The following CAMTA1 variants were observed in gnomAD, a reference collection of about 807,000 sequenced individuals.
The protein encoded by CAMTA1 is calmodulin binding transcription activator 1, also known as calmodulin-binding transcription activator 1.
CAMTA1 carries 27 observed loss-of-function variants against 170.9 expected under a neutral mutation model. The observed-to-expected ratio is 0.16, with a 90% CI of 0.12 to 0.22. The LOEUF (loss-of-function observed/expected upper bound fraction) is 0.22. Ranked by LOEUF, CAMTA1 falls within the 10% of genes least tolerant of loss-of-function variation. CAMTA1 has a pLI of 1.00. For missense variants in CAMTA1, 1,619 were observed against 2,217.2 expected, an observed-to-expected ratio of 0.73 and a Z score of 5.42; for synonymous variants, 833 against 891.5, an observed-to-expected ratio of 0.93 and a Z score of 1.17.
chr1:6,907,945 C>T (rs1034173144), intron 3 of CAMTA1, among the ~76,000 whole-genome samples: 7 of 152,176 alleles, frequency 4.6e-5, no homozygotes, highest in Admixed American at 1.3e-4. Flanking sequence ...GCCCTATTGC[C>T]GTGGTGGTCT....
chr1:6,871,757 AG>A (rs1370553035), intron 3 of CAMTA1: 1 of 1,534,988 alleles, frequency 6.5e-7, no homozygotes, highest in African/African-American at 1.4e-5. Context: ...TGTTTTGCAG[AG>A]ATCATGATGC....
chr1:7,586,822 C>A (rs1317725), intron 6 of CAMTA1, among the ~76,000 whole-genome samples: 7,975 of 152,120 alleles, frequency 0.052, 281 homozygotes, highest in African/African-American at 0.066. Context: ...TCATGTGGCT[C>A]CCACGGTGGC....
At chr1:6,937,328 C>T (rs1685516207) in intron 3 of CAMTA1, among the ~76,000 whole-genome samples, 1 of 152,134 alleles carries the variant, frequency 6.6e-6, no homozygotes, top group African/African-American at 2.4e-5. Context: ...CCATCACCAT[C>T]ACCATTCACC....
intron 5 of CAMTA1, among the ~76,000 whole-genome samples, chr1:7,294,980 G>A (rs753537027): frequency 6.6e-6 from 1 of 152,188 alleles, no homozygotes; most frequent in East Asian, 1.9e-4. Context: ...TTTCCTCCTT[G>A]TCTATGCTGG....
At chr1:7,197,454 A>G (rs990080364) in intron 4 of CAMTA1, among the ~76,000 whole-genome samples, 10 of 151,852 alleles carry the variant, frequency 6.6e-5, no homozygotes, top group African/African-American at 2.2e-4. Flanking sequence ...TGTTCTGTTA[A>G]ACATGGACAC....
chr1:7,194,175 A>G (rs1332295571), intron 4 of CAMTA1, among the ~76,000 whole-genome samples: 1 of 152,224 alleles, frequency 6.6e-6, no homozygotes, highest in Non-Finnish European at 1.5e-5. Flanking sequence ...AAACACTTTT[A>G]CCAAATTCCT....
intron 6 of CAMTA1, among the ~76,000 whole-genome samples, chr1:7,529,956 T>C (rs1205769375): frequency 6.6e-6 from 1 of 152,222 alleles, no homozygotes; most frequent in Non-Finnish European, 1.5e-5. Flanking sequence ...TGGGCATTCT[T>C]GGAGGGGCAT....
At chr1:7,329,192 A>T (rs923633420) in intron 5 of CAMTA1, among the ~76,000 whole-genome samples, 10 of 152,226 alleles carry the variant, frequency 6.6e-5, no homozygotes, top group Admixed American at 2.0e-4. Context: ...TCTTGAAAAA[A>T]AAAATCCCAA....
chr1:6,950,941 A>T (rs1688380363), intron 3 of CAMTA1, among the ~76,000 whole-genome samples: 1 of 152,200 alleles, frequency 6.6e-6, no homozygotes. Flanking sequence ...GGGCTCCTGC[A>T]GGGCATCTGT....
intron 8 of CAMTA1, among the ~76,000 whole-genome samples, chr1:7,662,658 G>A (rs2095970549): frequency 6.6e-6 from 1 of 152,218 alleles, no homozygotes; most frequent in South Asian, 2.1e-4. Context: ...CCTGAGGCTT[G>A]TACGTCTGAA....
intron 6 of CAMTA1, among the ~76,000 whole-genome samples, chr1:7,513,400 G>T (rs748050505): frequency 1.3e-5 from 2 of 152,154 alleles, no homozygotes; most frequent in African/African-American, 4.8e-5. Flanking sequence ...GCAAAGCAGC[G>T]TAGACTGGGC....
rs573758843 is a variant in CAMTA1 at position 7,170,569 on chromosome 1, G to T, written c.303-78922G>T. 5.3e-5 allele frequency among the ~76,000 whole-genome samples: 8 copies of T among 152,148 alleles called. No homozygotes were observed. In the South Asian group the frequency reaches 1.5e-3, roughly 28 times the overall value. On this transcript the variant is annotated intron_variant, in intron 4 of 22. Coordinates refer to ENST00000303635, the MANE Select transcript of CAMTA1 (RefSeq NM_015215.4). The stretch of plus-strand genomic sequence containing the variant: ...TCTGAGTGAGAACATGCAGTGTTTG[G>T]TTTTCTGTTTCTGTGTTAATTTGCT...
At chr1:7,147,177 T>G (rs1646249546) in intron 4 of CAMTA1, among the ~76,000 whole-genome samples, 1 of 151,636 alleles carries the variant, frequency 6.6e-6, no homozygotes, top group Non-Finnish European at 1.5e-5. Context: ...TTCCAGCACT[T>G]TGGGAGGCCG....
intron 1 of CAMTA1, among the ~76,000 whole-genome samples, chr1:6,798,522 A>G (rs1407940770): frequency 6.6e-6 from 1 of 151,122 alleles, no homozygotes; most frequent in Non-Finnish European, 1.5e-5. Context: ...AGTTCACGCC[A>G]TTCTCCTGCC....
chr1:7,306,646 T>G (rs550552485), intron 5 of CAMTA1, among the ~76,000 whole-genome samples: 20 of 152,126 alleles, frequency 1.3e-4, no homozygotes, highest in African/African-American at 4.8e-4. Flanking sequence ...CATTTTTGAA[T>G]CAGTATGTCT....
intron 3 of CAMTA1, among the ~76,000 whole-genome samples, chr1:7,019,599 T>A (rs1376883909): frequency 6.6e-6 from 1 of 152,228 alleles, no homozygotes; most frequent in African/African-American, 2.4e-5. Flanking sequence ...CCAGAAATGC[T>A]TTAGAATCGT....
At chr1:7,553,696 C>T (rs1436658771) in intron 6 of CAMTA1, among the ~76,000 whole-genome samples, 1 of 152,200 alleles carries the variant, frequency 6.6e-6, no homozygotes, top group African/African-American at 2.4e-5. Context: ...GGCAGCTTCC[C>T]AGACATCTCC....
In CAMTA1 at chr1:7,264,372, C is replaced by T. The variant is rs557619946; in HGVS notation, c.438+14746C>T. 2.1e-4 allele frequency among the ~76,000 whole-genome samples: 32 copies of T among 152,260 alleles called. No individual in the cohort carries two copies. The South Asian group carries it at 4.4e-3, about 21-fold the overall frequency. On this transcript the variant is annotated intron_variant, in intron 5 of 22. Transcript: ENST00000303635. ...ACAATGGAAGAGAACAAGTGCCTGC[C>T]GATGGAAGCCATGCCTGTGATACCT...
intron 4 of CAMTA1, among the ~76,000 whole-genome samples, chr1:7,139,139 A>G (rs1645728489): frequency 1.2e-5 from 1 of 82,886 alleles, no homozygotes; most frequent in African/African-American, 6.1e-5. Flanking sequence ...AAATATAAAT[A>G]AACAAATATA....
Sources: allele counts gnomAD v4.1 joint callset (sites outside exome capture counted in the v4.1 genomes callset), GRCh38; gene constraint gnomAD v4.1.1; transcripts MANE v1.5; gene names NCBI Gene and HGNC (gene_info 2026-07-23, HGNC 2026-07-21).